CCDC190: variants seen among roughly 807,000 people sequenced by gnomAD.
CCDC190 encodes the protein coiled-coil domain-containing protein 190.
In CCDC190, 10 loss-of-function variants were observed where a neutral mutation model predicts 13.1. The ratio of observed to expected loss-of-function variants is 0.77; its 90% confidence interval spans 0.47 to 1.30. The LOEUF is 1.30. Among genes scored for constraint, CCDC190 ranks in the 50% most tolerant of loss-of-function variants. The pLI is 0.00. For missense variants in CCDC190, 375 were observed against 354.3 expected (o/e 1.06, Z -0.47); for synonymous variants, 136 against 127.2 (o/e 1.07, Z -0.47).
chr1:162,863,202 C>T (rs1490342977), upstream of CCDC190, among the ~76,000 whole-genome samples: 1 of 152,152 alleles, frequency 6.6e-6, no homozygotes, highest in African/African-American at 2.4e-5. Context: ...CTATAATTCT[C>T]TCTGTTTTAC....
At chr1:162,867,433 A>G (rs1360518583) in intron 1 of CCDC190, among the ~76,000 whole-genome samples, 1 of 152,202 alleles carries the variant, frequency 6.6e-6, no homozygotes, top group Non-Finnish European at 1.5e-5. Context: ...AAGTGGTAAA[A>G]GCAAGTATTG....
At chr1:162,856,800 C>T (rs1287174740) in intron 2 of CCDC190, among the ~76,000 whole-genome samples, 3 of 152,144 alleles carry the variant, frequency 2.0e-5, no homozygotes, top group African/African-American at 7.2e-5. Flanking sequence ...GTGATCAGAG[C>T]AAGGAAGAGT....
At chr1:162,857,952 A>G (rs2102260928) in intron 2 of CCDC190, among the ~76,000 whole-genome samples, 1 of 152,316 alleles carries the variant, frequency 6.6e-6, no homozygotes, top group African/African-American at 2.4e-5. Context: ...GTGGATTTTT[A>G]AGCCTAATTT....
At chr1:162,856,344 G>T (rs1650302213) in intron 2 of CCDC190, among the ~76,000 whole-genome samples, 1 of 152,182 alleles carries the variant, frequency 6.6e-6, no homozygotes, top group Admixed American at 6.5e-5. Flanking sequence ...TGTTAAAGAG[G>T]ATTTAGAAAC....
intron 2 of CCDC190, among the ~76,000 whole-genome samples, chr1:162,857,744 G>T (rs1238908577): frequency 6.6e-6 from 1 of 152,144 alleles, no homozygotes; most frequent in East Asian, 1.9e-4. Context: ...ACTTTGTGAA[G>T]AACTCAATTA....
chr1:162,853,073 C>T lies in CCDC190; in HGVS notation c.*1692G>A. 1.3e-6 allele frequency: 2 copies of T among 1,519,000 alleles called. No homozygotes were observed. The highest frequency in any genetic ancestry group is 1.8e-6 in the Non-Finnish European group (2 of 1,118,274). The allele number at this position is 1,519,000 out of a possible 1,614,324, so 94.1% of individuals were successfully genotyped here. ...TGGCCTGCCTTCCTCTGTTGCTTTGCTTCATGGAAGAAAGTGTTGGAGGAA... is the reference window on the plus strand; with the variant it reads ...TGGCCTGCCTTCCTCTGTTGCTTTGTTTCATGGAAGAAAGTGTTGGAGGAA... On this transcript the variant is annotated 3_prime_UTR_variant, in exon 4 of 4. Coordinates refer to ENST00000367912, the MANE Select transcript of CCDC190 (RefSeq NM_001394065.1).
chr1:162,855,187 C>T lies in CCDC190; in HGVS notation c.484G>A (p.Val162Met). 1.9e-6 allele frequency: 3 copies of T among 1,613,976 alleles called. No individual in the cohort carries two copies. Among genetic ancestry groups the T allele is most frequent in the Non-Finnish European group, 2.5e-6 (3 of 1,179,888 alleles). ...EQPQAQEKDSVNPSKDVDPSK... is the reference protein window; with the variant it reads ...EQPQAQEKDSMNPSKDVDPSK... Reference sequence around the variant, plus strand: ...GGGTCTACGTCCTTAGATGGATTCACAGAATCTTTCTCTTGGGCTTGTGGT... The same window carrying T: ...GGGTCTACGTCCTTAGATGGATTCATAGAATCTTTCTCTTGGGCTTGTGGT... Residue 162 changes from valine to methionine, a missense_variant, in exon 4 of 4, where the codon GTG (valine) becomes ATG (methionine). Physicochemically the swap from Val to Met is conservative, Grantham distance 21 (BLOSUM62 1). Coordinates refer to ENST00000367912, the MANE Select transcript of CCDC190 (RefSeq NM_001394065.1).
At chr1:162,867,112 A>G (rs1650735089) in intron 1 of CCDC190, among the ~76,000 whole-genome samples, 2 of 152,144 alleles carry the variant, frequency 1.3e-5, no homozygotes, top group Non-Finnish European at 2.9e-5. Flanking sequence ...CTTAATAAAA[A>G]TTAAAACCTT....
intron 1 of CCDC190, among the ~76,000 whole-genome samples, chr1:162,867,901 G>A (rs1650762670): frequency 6.6e-6 from 1 of 152,160 alleles, no homozygotes; most frequent in Non-Finnish European, 1.5e-5. Context: ...ACAGAGATCA[G>A]ATCAGTGGTT....
At chr1:162,857,917 C>G (rs1650361659) in intron 2 of CCDC190, among the ~76,000 whole-genome samples, 1 of 152,194 alleles carries the variant, frequency 6.6e-6, no homozygotes, top group African/African-American at 2.4e-5. Context: ...GAATAATCTA[C>G]CTTAGTATCA....
In CCDC190 at chr1:162,855,774, G is replaced by A. The variant is rs368164758; in HGVS notation, c.188-19C>T. 32 of 1,567,410 alleles carry A rather than the reference G, an allele frequency of 2.0e-5. 1 individual carries two copies. In the African/African-American group the frequency reaches 3.1e-4, roughly 15 times the overall value. The stretch of plus-strand genomic sequence containing the variant: ...ATGGTTTCTGCTTTGAGTTAATTAA[G>A]AAGTGTTATGAGTTGGATTGTGTCC... On this transcript the variant is annotated intron_variant, in intron 2 of 3. Coordinates refer to ENST00000367912, the MANE Select transcript of CCDC190 (RefSeq NM_001394065.1).
chr1:162,855,292 C>T lies in CCDC190; in HGVS notation c.379G>A (p.Ala127Thr), dbSNP rs775343219. The T allele has an allele frequency of 6.2e-7, 1 of 1,613,648 alleles. No individual in the cohort carries two copies. Among genetic ancestry groups the T allele is most frequent in the African/African-American group, 1.3e-5 (1 of 75,036 alleles). ...SKSQVPPSHD[A>T]GLKDPMKSKK... Reference sequence around the variant, plus strand: ...CTCTTCATGGGGTCTTTGAGGCCAGCATCATGTGAAGGAGGCACCTGGGAC... The same window carrying T: ...CTCTTCATGGGGTCTTTGAGGCCAGTATCATGTGAAGGAGGCACCTGGGAC... Residue 127 changes from alanine (A) to threonine (T), a missense_variant, in exon 4 of 4, where the codon GCT (alanine) becomes ACT (threonine). Transcript: ENST00000367912.
rs1408360941 is a variant in CCDC190 at position 162,851,705 on chromosome 1, T to C, written c.*3060A>G. On this transcript the variant is annotated 3_prime_UTR_variant, in exon 4 of 4. Transcript: ENST00000367912. The stretch of plus-strand genomic sequence containing the variant: ...CCCTTCTTCCTCATGGGGGAGGAAA[T>C]GGGGAAGGGATCATCTGTCCCCAGT... 1.3e-5 allele frequency: 2 copies of C among 152,010 alleles called. No homozygotes were observed. The highest frequency in any genetic ancestry group is 4.8e-5 in the African/African-American group (2 of 41,354). 9.4% of individuals were successfully genotyped at this position (152,010 alleles called of 1,614,324 possible).
At chr1:162,860,981 T>C (rs1316237392) in intron 1 of CCDC190, 27 bp downstream of exon 1, 4 of 974,566 alleles carry the variant, frequency 4.1e-6, no homozygotes, top group Non-Finnish European at 4.9e-6. Flanking sequence ...TAAACTTTTA[T>C]TAAAGAACAG....
intron 2 of CCDC190, among the ~76,000 whole-genome samples, chr1:162,858,365 A>G (rs1043104849): frequency 3.9e-5 from 6 of 152,184 alleles, no homozygotes; most frequent in African/African-American, 1.2e-4. Context: ...AATCAACTAA[A>G]TGGCTTCTAA....
At chr1:162,868,564 C>T (rs1470931439) in intron 1 of CCDC190, 1 of 54,962 alleles carries the variant, frequency 1.8e-5, no homozygotes, top group Non-Finnish European at 5.2e-5. Flanking sequence ...CTGTGTGTCC[C>T]AGCTGTGGAA....
chr1:162,855,090 G>A lies in CCDC190; in HGVS notation c.581C>T (p.Ser194Phe). ...CATTCCACTATCACTAGCTGGGCTG[G>A]AACTAGGACCTTGTTCTATGGTGTT... ...STNTIEQGPSSSPASDSGMAC... is the reference protein window; with the variant it reads ...STNTIEQGPSFSPASDSGMAC... Residue 194 changes from serine to phenylalanine, a missense_variant, in exon 4 of 4, where the codon TCC (serine) becomes TTC (phenylalanine). Coordinates refer to ENST00000367912, the MANE Select transcript of CCDC190 (RefSeq NM_001394065.1). The A allele has an allele frequency of 2.5e-6, 4 of 1,614,002 alleles. No individual in the cohort carries two copies. The South Asian group carries it at 3.3e-5, about 13-fold the overall frequency.
chr1:162,851,089 T>C lies in CCDC190; in HGVS notation c.*3676A>G, dbSNP rs1650091759. Among the ~76,000 whole-genome samples the C allele has an allele frequency of 5.9e-5, 9 of 152,160 alleles. No individual in the cohort carries two copies. The highest frequency in any genetic ancestry group is 5.9e-4 in the Admixed American group (9 of 15,282). ...CATTTAGGTTATTATTGTTTATGGT[T>C]CTCATCCAGTTTAAAGTCTTTCTTC... is the stretch of plus-strand genomic sequence containing the variant. On this transcript the variant is annotated 3_prime_UTR_variant, in exon 4 of 4. Transcript: ENST00000367912.
Position 162,854,718 on chromosome 1 carries a change from T to C in CCDC190, c.*47A>G. ...TAATATAGTCATTTGAGGAACACAT[T>C]TCCTTAGCAATAATGGCATATGTTA... On this transcript the variant is annotated 3_prime_UTR_variant, in exon 4 of 4. Coordinates refer to ENST00000367912, the MANE Select transcript of CCDC190 (RefSeq NM_001394065.1). The C allele has an allele frequency of 6.5e-7, 1 of 1,538,206 alleles. No individual in the cohort carries two copies. Among genetic ancestry groups the C allele is most frequent in the Non-Finnish European group, 8.7e-7 (1 of 1,143,518 alleles).
Sources: allele counts gnomAD v4.1 joint callset (sites outside exome capture counted in the v4.1 genomes callset), GRCh38; gene constraint gnomAD v4.1.1; transcripts MANE v1.5; gene names NCBI Gene and HGNC (gene_info 2026-07-23, HGNC 2026-07-21).